The following CCND3 variants were observed in gnomAD, a reference collection of about 807,000 sequenced individuals.
The protein encoded by CCND3 is cyclin D3, also known as G1/S-specific cyclin-D3.
In CCND3, 9 loss-of-function variants were observed where a neutral mutation model predicts 28.7. That is an observed-to-expected ratio of 0.31 (90% CI 0.19 to 0.55). The LOEUF is 0.55. Among genes scored for constraint, CCND3 ranks in the 20% least tolerant of loss-of-function variants. The probability of loss-of-function intolerance (pLI) is 0.93; values close to 1 mark genes in which losing one functional copy is unlikely to be tolerated. For synonymous variants in CCND3, 164 were observed against 163.9 expected (o/e 1.00, Z 0.00); for missense variants, 315 against 385.8 (o/e 0.82, Z 1.54).
intron 1 of CCND3, among the ~76,000 whole-genome samples, chr6:42,001,042 C>A (rs1762995175): frequency 6.6e-6 from 1 of 151,512 alleles, no homozygotes; most frequent in Non-Finnish European, 1.5e-5. Context: ...TCAAGACCAG[C>A]CTGGCCAACA....
chr6:41,959,176 T>C (rs1761630221), intron 1 of CCND3, among the ~76,000 whole-genome samples: 1 of 151,316 alleles, frequency 6.6e-6, no homozygotes, highest in Admixed American at 6.6e-5. Flanking sequence ...TAGCTGGGAG[T>C]GATAGCGCAT....
chr6:41,972,402 A>T (rs1762059003), intron 1 of CCND3, among the ~76,000 whole-genome samples: 1 of 152,042 alleles, frequency 6.6e-6, no homozygotes, highest in Non-Finnish European at 1.5e-5. Context: ...TGCTTATACT[A>T]CATCATGAAG....
intron 1 of CCND3, among the ~76,000 whole-genome samples, chr6:41,957,499 C>G (rs758357716): frequency 1.8e-4 from 27 of 152,236 alleles, no homozygotes; most frequent in Admixed American, 7.9e-4. Context: ...CCATGAAGCT[C>G]GCAGGGTGTG....
chr6:42,014,365 C>CAAACAAAACA (rs66873567), intron 1 of CCND3, among the ~76,000 whole-genome samples: 11,038 of 148,726 alleles, frequency 0.074, 518 homozygotes, highest in East Asian at 0.21. Context: ...GACTCTGTCT[C>CAAACAAAACA]AAACAAAACA....
chr6:42,018,123 TG>T (rs1264349447), intron 1 of CCND3, among the ~76,000 whole-genome samples: 1 of 151,648 alleles, frequency 6.6e-6, no homozygotes, highest in East Asian at 2.0e-4. Context: ...CACTCCAGCC[TG>T]GGTGATAGAA....
chr6:41,944,697 C>T (rs1362675295), upstream of CCND3, among the ~76,000 whole-genome samples: 2 of 152,212 alleles, frequency 1.3e-5, no homozygotes, highest in Non-Finnish European at 2.9e-5. Context: ...GCTGGGATTA[C>T]AGGCACAAAC....
intron 1 of CCND3, among the ~76,000 whole-genome samples, chr6:42,023,591 A>G (rs1763776722): frequency 6.6e-6 from 1 of 152,202 alleles, no homozygotes. Context: ...TGTACAGAAT[A>G]TAACTGGTGA....
At chr6:41,971,371 T>C (rs1300113073) in intron 1 of CCND3, among the ~76,000 whole-genome samples, 1 of 152,016 alleles carries the variant, frequency 6.6e-6, no homozygotes, top group African/African-American at 2.4e-5. Context: ...GATCCTCCCA[T>C]CCTCCCGCCT....
rs753105964 is a variant in CCND3 at position 41,958,681 on chromosome 6, T to A, written c.-45-18096A>T. 1.2e-4 allele frequency among the ~76,000 whole-genome samples: 18 copies of A among 152,320 alleles called. No individual in the cohort carries two copies. In the Middle Eastern group the frequency reaches 0.01, roughly 86 times the overall value. On this transcript the variant is annotated intron_variant, in intron 1 of 4. Coordinates refer to the CCND3 transcript ENST00000372988. ...TTTGACTCATCATGTGGCCAGAAAGTTCCCTGAAATCAGGAATTGAATCTT... is the reference window on the plus strand; with the variant it reads ...TTTGACTCATCATGTGGCCAGAAAGATCCCTGAAATCAGGAATTGAATCTT...
At chr6:41,964,522 A>ATG (rs904285139) in intron 1 of CCND3, among the ~76,000 whole-genome samples, 8 of 151,474 alleles carry the variant, frequency 5.3e-5, no homozygotes, top group African/African-American at 1.9e-4. Context: ...GTGAGTGTGT[A>ATG]TGTGTGTGCA....
chr6:41,936,733 C>T lies in CCND3; in HGVS notation c.575-38G>A. On this transcript the variant is annotated intron_variant, in intron 3 of 4. Coordinates refer to ENST00000372991, the MANE Select transcript of CCND3 (RefSeq NM_001760.5). The surrounding 1 kb of genome is among the most constrained non-coding windows in gnomAD (Gnocchi z 4.4). The stretch of plus-strand genomic sequence containing the variant: ...GAAAGGGAACCATGAGAGAAGGAAA[C>T]CTGAAGGATAACGGCCAGCATGGAC... 1 of 1,602,376 alleles carries T rather than the reference C, an allele frequency of 6.2e-7. No homozygotes were observed. The highest frequency in any genetic ancestry group is 8.5e-7 in the Non-Finnish European group (1 of 1,172,058).
chr6:41,980,580 G>A (rs1442706429), intron 1 of CCND3, among the ~76,000 whole-genome samples: 1 of 152,094 alleles, frequency 6.6e-6, no homozygotes, highest in Non-Finnish European at 1.5e-5. Flanking sequence ...ACAAATGTTA[G>A]AAGAAAACTA....
At chr6:42,027,655 C>T (rs1763918618) in intron 1 of CCND3, among the ~76,000 whole-genome samples, 1 of 152,264 alleles carries the variant, frequency 6.6e-6, no homozygotes, top group East Asian at 1.9e-4. Flanking sequence ...GTGGGCTTAA[C>T]ACCAGAGCCC....
chr6:42,022,954 GA>G (rs1763755435), intron 1 of CCND3, among the ~76,000 whole-genome samples: 1 of 152,218 alleles, frequency 6.6e-6, no homozygotes, highest in South Asian at 2.1e-4. Flanking sequence ...ATCTTGTGGG[GA>G]TAGGACTAAG....
intron 1 of CCND3, among the ~76,000 whole-genome samples, chr6:42,012,558 G>GC (rs1763373801): frequency 6.6e-6 from 1 of 152,044 alleles, no homozygotes; most frequent in South Asian, 2.1e-4. Flanking sequence ...CAGAGATGGT[G>GC]CCACTGTACT....
intron 1 of CCND3, among the ~76,000 whole-genome samples, chr6:42,033,484 A>T (rs1221205931): frequency 1.5e-4 from 1 of 6,776 alleles, no homozygotes; most frequent in Non-Finnish European, 8.5e-4. Flanking sequence ...ATATATATGC[A>T]CACATACACA....
intron 1 of CCND3, among the ~76,000 whole-genome samples, chr6:42,044,818 T>C (rs1764485808): frequency 6.6e-6 from 1 of 151,700 alleles, no homozygotes; most frequent in Non-Finnish European, 1.5e-5. Flanking sequence ...AGACGGAGTC[T>C]CACTCTGTTG....
At chr6:41,968,940 G>C (rs1203663033) in intron 1 of CCND3, among the ~76,000 whole-genome samples, 1 of 151,964 alleles carries the variant, frequency 6.6e-6, no homozygotes, top group Non-Finnish European at 1.5e-5. Flanking sequence ...TGAGTAGCTG[G>C]GATTACAAGG....
intron 1 of CCND3, among the ~76,000 whole-genome samples, chr6:41,989,826 T>C (rs1762600006): frequency 6.6e-6 from 1 of 152,166 alleles, no homozygotes; most frequent in Non-Finnish European, 1.5e-5. Context: ...CTCCTTGGTA[T>C]CTGCCCAAAT....
Sources: allele counts gnomAD v4.1 joint callset (sites outside exome capture counted in the v4.1 genomes callset), GRCh38; gene constraint gnomAD v4.1.1; non-coding constraint Gnocchi (gnomAD v3.1); transcripts MANE v1.5; gene names NCBI Gene and HGNC (gene_info 2026-07-23, HGNC 2026-07-21).